MUC17: variants seen among roughly 807,000 people sequenced by gnomAD.
MUC17 encodes the protein mucin 17, cell surface associated, also known as mucin-17.
In MUC17, 190 loss-of-function variants were observed where a neutral mutation model predicts 170.3. The ratio of observed to expected loss-of-function variants is 1.12; its 90% CI spans 0.99 to 1.26. MUC17 has a LOEUF of 1.26. MUC17 is among the 50% of genes most tolerant of loss of function. The pLI is 0.00. For synonymous variants in MUC17, 2,325 were observed against 2,002.5 expected (o/e 1.16, Z -4.30); for missense variants, 6,415 against 5,530.0 (o/e 1.16, Z -5.08).
chr7:101,035,901 T>A lies in MUC17; in HGVS notation c.4485T>A (p.Ser1495=). 1 of 1,612,234 alleles carries A rather than the reference T, an allele frequency of 6.2e-7. No individual in the cohort carries two copies. The highest frequency in any genetic ancestry group is 8.5e-7 in the Non-Finnish European group (1 of 1,179,080). ...TCACTTCTACAGCAGTCAGTTCATCTCCTACACCTGCTGAAGGTACCAGCA... is the reference window on the plus strand; with the variant it reads ...TCACTTCTACAGCAGTCAGTTCATCACCTACACCTGCTGAAGGTACCAGCA... The part of the protein sequence containing the change: ...PVVTSTAVSS[S]PTPAEGTSIA... Residue 1495 remains serine, a synonymous_variant, in exon 3 of 13, where the codon TCT becomes TCA. Coordinates refer to ENST00000306151, the MANE Select transcript of MUC17 (RefSeq NM_001040105.2).
At position 101,037,968 on chromosome 7, in the gene MUC17, T is replaced by A. The variant is rs1794544308; in HGVS notation, c.6552T>A (p.Thr2184=). 3.7e-6 allele frequency: 6 copies of A among 1,608,344 alleles called. No individual in the cohort carries two copies. The South Asian group carries it at 5.5e-5, about 15-fold the overall frequency. The part of the protein sequence containing the change: ...ASSAISTLST[T]PVDTSTPVTN... ...CTGCAATCAGCACCCTTTCAACAAC[T>A]CCTGTTGACACCAGCACACCTGTGA... is the stretch of plus-strand genomic sequence containing the variant. The change falls in exon 3 of 13, where the codon ACT becomes ACA. Residue 2184 remains threonine (T), a synonymous_variant. Transcript: ENST00000306151.
chr7:101,038,050 A>T lies in MUC17; in HGVS notation c.6634A>T (p.Thr2212Ser), dbSNP rs760841706. ...PTTSEGTSMP[T>S]STPSEGSTPF... ...AACTTCTGAAGGTACCAGCATGCCAACCTCAACTCCTAGTGAAGGAAGCAC... is the reference window on the plus strand; with the variant it reads ...AACTTCTGAAGGTACCAGCATGCCATCCTCAACTCCTAGTGAAGGAAGCAC... Residue 2212 changes from threonine to serine, a missense_variant, in exon 3 of 13, where the codon ACC becomes TCC. Coordinates refer to ENST00000306151, the MANE Select transcript of MUC17 (RefSeq NM_001040105.2). 19 of 1,407,000 alleles carry T rather than the reference A, an allele frequency of 1.4e-5. No homozygotes were observed. The East Asian group carries it at 1.8e-4, about 13-fold the overall frequency. 87.2% of individuals were successfully genotyped at this position (1,407,000 alleles called of 1,614,324 possible).
rs201246257 is a variant in MUC17 at position 101,040,975 on chromosome 7, A to G, written c.9559A>G (p.Thr3187Ala). 3.7e-6 allele frequency: 6 copies of G among 1,612,108 alleles called. No homozygotes were observed. Among genetic ancestry groups the G allele is most frequent in the Admixed American group, 3.3e-5 (2 of 59,808 alleles). Residue 3187 changes from threonine (T) to alanine (A), a missense_variant, in exon 3 of 13, where the codon ACT (threonine) becomes GCT (alanine). Transcript: ENST00000306151. ...TTCTGAGGATAGCACCCTTTCAGCA[A>G]CTCCTGTTGACACCAGCACACCTGT... ...VSSEDSTLSA[T>A]PVDTSTPVTT... is the part of the protein sequence containing the mutation.
chr7:101,031,622 C>G lies in MUC17; in HGVS notation c.206C>G (p.Thr69Arg). 6.5e-7 allele frequency: 1 copy of G among 1,537,036 alleles called. No homozygotes were observed. Residue 69 changes from threonine to arginine, a missense_variant, in exon 3 of 13, where the codon ACA becomes AGA. Physicochemically the swap from Thr to Arg is moderately conservative, Grantham distance 71. Coordinates refer to ENST00000306151, the MANE Select transcript of MUC17 (RefSeq NM_001040105.2). ...ACAGGTTCTGCGGCAAACACCGCCA[C>G]AGGTACAACATCTACAAATGTCGTG... ...VRTGSAANTA[T>R]GTTSTNVVEP...
chr7:101,048,282 A>G lies in MUC17; in HGVS notation c.12535+167A>G, dbSNP rs1794877651. ...GTTTTGTTTCCACCCAGTGCTATGAATGCTAAAGCATTACAAAATGAATAA... is the reference window on the plus strand; with the variant it reads ...GTTTTGTTTCCACCCAGTGCTATGAGTGCTAAAGCATTACAAAATGAATAA... On this transcript the variant is annotated intron_variant, in intron 4 of 12. Transcript: ENST00000306151. 7.0e-6 allele frequency: 4 copies of G among 570,532 alleles called. No homozygotes were observed. In the East Asian group the frequency reaches 1.1e-4, roughly 15 times the overall value. 35.3% of individuals were successfully genotyped at this position (570,532 alleles called of 1,614,324 possible). A position where few individuals can be genotyped will look rare whatever the true frequency, so the allele number is the denominator to read the frequency against.
rs760018281 is a variant in MUC17 at position 101,032,796 on chromosome 7, C to T, written c.1380C>T (p.Ser460=). The T allele has an allele frequency of 5.1e-5, 82 of 1,614,134 alleles. No individual in the cohort carries two copies. Among genetic ancestry groups the T allele is most frequent in the Non-Finnish European group, 6.9e-5 (82 of 1,180,006 alleles). Residue 460 remains serine (S), a synonymous_variant, in exon 3 of 13, where the codon AGC becomes AGT. Coordinates refer to ENST00000306151, the MANE Select transcript of MUC17 (RefSeq NM_001040105.2). ...GSTPLTSMPV[S]TTPVASSEAS... is the part of the protein sequence containing the mutation. ...CTCCATTAACAAGTATGCCTGTCAG[C>T]ACCACTCCAGTGGCCAGTTCTGAGG...
In MUC17 at chr7:101,032,681, C is replaced by T. The variant is rs1794325616; in HGVS notation, c.1265C>T (p.Thr422Ile). ...TTSTIPVDSK[T>I]FVTTASEASS... Reference sequence around the variant, plus strand: ...TCAACAATTCCTGTTGACTCCAAAACTTTTGTGACCACTGCTAGTGAAGCC... The same window carrying T: ...TCAACAATTCCTGTTGACTCCAAAATTTTTGTGACCACTGCTAGTGAAGCC... Residue 422 changes from threonine to isoleucine, a missense_variant, in exon 3 of 13, where the codon ACT (threonine) becomes ATT (isoleucine). By Grantham distance (89) the Thr-to-Ile change is moderately conservative (BLOSUM62 -1). Coordinates refer to ENST00000306151, the MANE Select transcript of MUC17 (RefSeq NM_001040105.2). 1.3e-5 allele frequency: 20 copies of T among 1,574,430 alleles called. No homozygotes were observed. The highest frequency in any genetic ancestry group is 1.7e-5 in the Non-Finnish European group (20 of 1,153,210).
intron 1 of MUC17, among the ~76,000 whole-genome samples, chr7:101,022,587 G>A (rs903802217): frequency 1.3e-5 from 2 of 152,198 alleles, no homozygotes; most frequent in Non-Finnish European, 2.9e-5. Flanking sequence ...CATATTGGGA[G>A]GCCAAGTTGG....
Position 101,037,282 on chromosome 7 carries a change from C to A in MUC17, c.5866C>A (p.Pro1956Thr), listed in dbSNP as rs200456398. Residue 1956 changes from proline (P) to threonine (T), a missense_variant, in exon 3 of 13, where the codon CCT (proline) becomes ACT (threonine). By Grantham distance (38) the Pro-to-Thr change is conservative. Transcript: ENST00000306151. ...LSTTLADTRTPVTTYSQASSS... is the reference protein window; with the variant it reads ...LSTTLADTRTTVTTYSQASSS... ...AACAACTCTTGCTGACACCAGGACA[C>A]CTGTGACCACTTATTCTCAAGCCAG... 1 of 1,611,588 alleles carries A rather than the reference C, an allele frequency of 6.2e-7. No homozygotes were observed. The highest frequency in any genetic ancestry group is 8.5e-7 in the Non-Finnish European group (1 of 1,178,818).
chr7:101,033,058 G>T lies in MUC17; in HGVS notation c.1642G>T (p.Ala548Ser). 6.2e-7 allele frequency: 1 copy of T among 1,613,158 alleles called. No homozygotes were observed. Among genetic ancestry groups the T allele is most frequent in the Non-Finnish European group, 8.5e-7 (1 of 1,179,862 alleles). ...CACACCTGTGACCACTTCTAGTGAA[G>T]CCAGTTCATCTTCTACAACTCCTGA... ...TSTPVTTSSE[A>S]SSSSTTPEGT... The change falls in exon 3 of 13, where the codon GCC (alanine) becomes TCC (serine). Residue 548 changes from alanine to serine, a missense_variant. Coordinates refer to ENST00000306151, the MANE Select transcript of MUC17 (RefSeq NM_001040105.2).
rs1390874004 is a variant in MUC17, at chr7:101,043,415, C to T, written c.11999C>T (p.Ala4000Val). 2 of 1,614,052 alleles carry T rather than the reference C, an allele frequency of 1.2e-6. No homozygotes were observed. Among genetic ancestry groups the T allele is most frequent in the African/African-American group, 1.3e-5 (1 of 74,906 alleles). Residue 4000 changes from alanine to valine, a missense_variant, in exon 3 of 13, where the codon GCT (alanine) becomes GTT (valine). Transcript: ENST00000306151. ...EFTTPAMTTA[A>V]PLTYVTMSTA... ...ACAACACCCGCAATGACTACTGCAG[C>T]TCCCCTCACATATGTGACCATGTCT...
Position 101,032,042 on chromosome 7 carries a change from C to A in MUC17, c.626C>A (p.Ser209Ter), listed in dbSNP as rs762540897. ...CCTGAAAGCACCACCATACCCAAATCAACTAACAGTGAAGGAAGCACTCCA... is the reference window on the plus strand; with the variant it reads ...CCTGAAAGCACCACCATACCCAAATAAACTAACAGTGAAGGAAGCACTCCA... Reference protein sequence around the residue: ...TTPESTTIPKSTNSEGSTPLT... With the variant: ...TTPESTTIPK The change falls in exon 3 of 13, where the codon TCA becomes TAA. Residue 209 changes from serine to a stop codon, truncating the protein, a stop_gained. Transcript: ENST00000306151. LOFTEE classifies it high-confidence loss of function. 3 of 1,614,230 alleles carry A rather than the reference C, an allele frequency of 1.9e-6. No homozygotes were observed. The highest frequency in any genetic ancestry group is 2.5e-6 in the Non-Finnish European group (3 of 1,180,040).
At position 101,042,155 on chromosome 7, in the gene MUC17, C is replaced by G. The variant is rs141602020; in HGVS notation, c.10739C>G (p.Thr3580Ser). The G allele has an allele frequency of 1.6e-4, 262 of 1,614,012 alleles. No individual in the cohort carries two copies. In the African/African-American group the frequency reaches 2.9e-3, roughly 18 times the overall value. The change falls in exon 3 of 13, where the codon ACT becomes AGT. Residue 3580 changes from threonine (T) to serine (S), a missense_variant. Transcript: ENST00000306151. ...AGTGAAGGAAGCTCTTCATTAACAA[C>G]TATGCTCCTCAGCAGCACATATGTG... is the stretch of plus-strand genomic sequence containing the variant. ...TPSEGSSSLTTMLLSSTYVTS... is the reference protein window; with the variant it reads ...TPSEGSSSLTSMLLSSTYVTS...
At position 101,040,986 on chromosome 7, in the gene MUC17, C is replaced by T. The variant is rs1322519497; in HGVS notation, c.9570C>T (p.Asp3190=). 3 of 1,613,884 alleles carry T rather than the reference C, an allele frequency of 1.9e-6. No homozygotes were observed. The African/African-American group carries it at 4.0e-5, about 22-fold the overall frequency. The change falls in exon 3 of 13, where the codon GAC becomes GAT. Residue 3190 remains aspartate (D), a synonymous_variant. Transcript: ENST00000306151. ...GCACCCTTTCAGCAACTCCTGTTGACACCAGCACACCTGTGACCACTTCTA... is the reference window on the plus strand; with the variant it reads ...GCACCCTTTCAGCAACTCCTGTTGATACCAGCACACCTGTGACCACTTCTA... The part of the protein sequence containing the change: ...EDSTLSATPV[D]TSTPVTTSTE...
chr7:101,035,866 A>C lies in MUC17; in HGVS notation c.4450A>C (p.Ser1484Arg), dbSNP rs1420140735. 6.2e-7 allele frequency: 1 copy of C among 1,602,140 alleles called. No individual in the cohort carries two copies. The highest frequency in any genetic ancestry group is 8.5e-7 in the Non-Finnish European group (1 of 1,172,862). The change falls in exon 3 of 13, where the codon AGT (serine) becomes CGT (arginine). Residue 1484 changes from serine to arginine, a missense_variant. Physicochemically the swap from Ser to Arg is moderately radical, Grantham distance 110 (BLOSUM62 -1). Coordinates refer to ENST00000306151, the MANE Select transcript of MUC17 (RefSeq NM_001040105.2). ...TLSTTPVDSN[S>R]PVVTSTAVSS... ...TTCAACAACTCCTGTTGACTCTAAC[A>C]GTCCTGTGGTCACTTCTACAGCAGT...
At chr7:101,045,401 CT>C (rs373569733) in intron 3 of MUC17, among the ~76,000 whole-genome samples, 158 of 144,378 alleles carry the variant, frequency 1.1e-3, no homozygotes, top group Admixed American at 1.6e-3. Context: ...TTTTCTTTTT[CT>C]TTTTTTTTTT....
chr7:101,023,263 TA>T (rs1324194564), intron 1 of MUC17, among the ~76,000 whole-genome samples: 1 of 152,072 alleles, frequency 6.6e-6, no homozygotes, highest in Non-Finnish European at 1.5e-5. Flanking sequence ...TATCTCCAAA[TA>T]AGGCCAACTT....
chr7:101,057,613 C>T (rs1380969756), intron 12 of MUC17, among the ~76,000 whole-genome samples: 2 of 152,202 alleles, frequency 1.3e-5, no homozygotes, highest in Non-Finnish European at 2.9e-5. Context: ...GGTACAGTGG[C>T]TCACACCTGT....
chr7:101,038,789 T>C lies in MUC17; in HGVS notation c.7373T>C (p.Leu2458Ser). The C allele has an allele frequency of 1.9e-6, 3 of 1,612,750 alleles. No homozygotes were observed. The highest frequency in any genetic ancestry group is 2.5e-6 in the Non-Finnish European group (3 of 1,179,082). ...TSPPSEGTTP[L>S]ASMPVSTTPV... ...CCTCCTAGTGAAGGAACCACTCCGT[T>C]AGCAAGTATGCCTGTCAGCACCACG... The change falls in exon 3 of 13, where the codon TTA becomes TCA. Residue 2458 changes from leucine to serine, a missense_variant. Leu to Ser is a moderately radical substitution (Grantham distance 145). Coordinates refer to ENST00000306151, the MANE Select transcript of MUC17 (RefSeq NM_001040105.2).
Sources: allele counts gnomAD v4.1 joint callset (sites outside exome capture counted in the v4.1 genomes callset), GRCh38; gene constraint gnomAD v4.1.1; transcripts MANE v1.5; gene names NCBI Gene and HGNC (gene_info 2026-07-23, HGNC 2026-07-21).